Variants in IFT25 observed in about 807,000 individuals in gnomAD.
IFT25 encodes intraflagellar transport protein 25 homolog.
chr1:53,945,795 C>A, the IFT25 span: 7,394 of 146,152 alleles, frequency 0.051, 234 homozygotes, highest in Non-Finnish European at 0.079. Context: ...CGCGCTCCTA[C>A]CCCGAGCTCT....
the IFT25 span, chr1:53,917,075 C>T: frequency 2.6e-5 from 5 of 192,930 alleles, no homozygotes; most frequent in South Asian, 1.9e-4. Context: ...ACCCGGGAGA[C>T]GGAGGTTGCA....
chr1:53,939,631 A>C, the IFT25 span: 2 of 237,042 alleles, frequency 8.4e-6, no homozygotes, highest in African/African-American at 4.7e-5. Flanking sequence ...AGTAAATAGG[A>C]AGTTATAATA....
At chr1:53,914,508 AATG>A in the IFT25 span, among the ~76,000 whole-genome samples, 4 of 152,036 alleles carry the variant, frequency 2.6e-5, no homozygotes, top group South Asian at 2.1e-4. Context: ...CCCATTATAA[AATG>A]ATGTTTGTAT....
chr1:53,933,916 C>T, the IFT25 span, among the ~76,000 whole-genome samples: 363 of 152,192 alleles, frequency 2.4e-3, 6 homozygotes, highest in East Asian at 0.03. Flanking sequence ...TAGGTTACAA[C>T]ATAAAAACCT....
chr1:53,924,602 C>T, the IFT25 span, among the ~76,000 whole-genome samples: 26 of 152,126 alleles, frequency 1.7e-4, no homozygotes, highest in African/African-American at 5.8e-4. Flanking sequence ...TTTGGGAGGC[C>T]GAGGTGGGCG....
chr1:53,921,873 T>C, the IFT25 span: 1 of 703,036 alleles, frequency 1.4e-6, no homozygotes, highest in African/African-American at 1.8e-5. Context: ...ATTCTAAATA[T>C]ATAACAACAC....
At chr1:53,924,504 A>G in the IFT25 span, among the ~76,000 whole-genome samples, 1 of 152,210 alleles carries the variant, frequency 6.6e-6, no homozygotes, top group South Asian at 2.1e-4. Flanking sequence ...CATATCAAAC[A>G]ATTCTTCTGG....
At chr1:53,912,296 C>T in the IFT25 span, among the ~76,000 whole-genome samples, 1 of 152,120 alleles carries the variant, frequency 6.6e-6, no homozygotes, top group East Asian at 1.9e-4. Context: ...CAAAAATAGA[C>T]CCCCGGCTTT....
chr1:53,945,357 T>C, the IFT25 span, among the ~76,000 whole-genome samples: 2 of 152,182 alleles, frequency 1.3e-5, no homozygotes, highest in Non-Finnish European at 2.9e-5. Context: ...GGGCTGGTAG[T>C]GGCGCTTCCA....
At chr1:53,944,438 G>T in the IFT25 span, among the ~76,000 whole-genome samples, 6 of 152,074 alleles carry the variant, frequency 3.9e-5, no homozygotes, top group African/African-American at 1.4e-4. Context: ...TGAGGCCAGC[G>T]GTTCAAGACC....
chr1:53,941,525 T>C, the IFT25 span, among the ~76,000 whole-genome samples: 1 of 152,238 alleles, frequency 6.6e-6, no homozygotes, highest in Non-Finnish European at 1.5e-5. Context: ...TAAAAACATA[T>C]ATTTTAATTT....
chr1:53,937,848 T>C, the IFT25 span, among the ~76,000 whole-genome samples: 1 of 152,218 alleles, frequency 6.6e-6, no homozygotes, highest in Non-Finnish European at 1.5e-5. Context: ...ACATTAATTT[T>C]TCTACTCCAA....
chr1:53,915,330 G>T, the IFT25 span, among the ~76,000 whole-genome samples: 1 of 152,098 alleles, frequency 6.6e-6, no homozygotes, highest in Non-Finnish European at 1.5e-5. Context: ...TTATAAGCAG[G>T]GCTGTCCCTA....
the IFT25 span, among the ~76,000 whole-genome samples, chr1:53,924,768 C>T: frequency 1.1e-3 from 171 of 152,158 alleles, no homozygotes; most frequent in African/African-American, 4.0e-3. Context: ...ACCCAGGAGG[C>T]GGAGCTTGCA....
chr1:53,912,833 C>A, the IFT25 span, among the ~76,000 whole-genome samples: 1 of 152,198 alleles, frequency 6.6e-6, no homozygotes, highest in African/African-American at 2.4e-5. Flanking sequence ...AACACAGATT[C>A]TTGGTTCTCA....
At chr1:53,926,794 C>T in the IFT25 span, among the ~76,000 whole-genome samples, 1 of 151,838 alleles carries the variant, frequency 6.6e-6, no homozygotes, top group Non-Finnish European at 1.5e-5. Flanking sequence ...ATGATCACAG[C>T]TCATTGCAGT....
At chr1:53,930,153 TAATTTTA>T in the IFT25 span, 1 of 1,544,010 alleles carries the variant, frequency 6.5e-7, no homozygotes, top group African/African-American at 1.4e-5. Flanking sequence ...TTCCTATTGT[TAATTTTA>T]AAGAAAAAAT....
At chr1:53,939,743 C>A in the IFT25 span, 1 of 401,010 alleles carries the variant, frequency 2.5e-6, no homozygotes, top group Non-Finnish European at 4.4e-6. Context: ...CTTGGTAAAC[C>A]ACTTCTAAAA....
chr1:53,918,015 G>A, the IFT25 span, among the ~76,000 whole-genome samples: 28 of 152,210 alleles, frequency 1.8e-4, no homozygotes, highest in African/African-American at 5.5e-4. Context: ...CCTGTAGGAT[G>A]AGCCACATTC....
Sources: gnomAD v4.1 joint callset for allele counts (sites outside exome capture counted in the v4.1 genomes callset) on GRCh38, gnomAD v4.1.1 for gene constraint, MANE v1.5 for transcripts, NCBI Gene and HGNC (gene_info 2026-07-23, HGNC 2026-07-21) for gene names.